ZNF525: variants seen among roughly 807,000 people sequenced by gnomAD.
The protein encoded by ZNF525 is zinc finger protein 525.
Under a neutral mutation model 37.6 loss-of-function variants are expected in ZNF525, and 33 were observed. That is an observed-to-expected ratio of 0.88 (90% CI 0.67 to 1.17). The LOEUF (loss-of-function observed/expected upper bound fraction) is 1.17. Among genes scored for constraint, ZNF525 ranks in the 50% most tolerant of loss-of-function variants. The pLI is 0.00. For synonymous variants in ZNF525, 170 were observed against 182.3 expected (o/e 0.93, Z 0.54); for missense variants, 449 against 543.1 (o/e 0.83, Z 1.72).
chr19:53,384,110 T>G lies in ZNF525; in HGVS notation c.*2091T>G. On this transcript the variant is annotated 3_prime_UTR_variant, in exon 4 of 4. Transcript: ENST00000474037. ...CAAACCATCAAGCATTGATTGACATTAGAGTCAGTTCAGCATTGACTTGAG... is the reference window on the plus strand; with the variant it reads ...CAAACCATCAAGCATTGATTGACATGAGAGTCAGTTCAGCATTGACTTGAG... The G allele has an allele frequency of 2.2e-6, 1 of 446,452 alleles. No individual in the cohort carries two copies. The highest frequency in any genetic ancestry group is 1.9e-5 in the South Asian group (1 of 53,368). The allele number at this position is 446,452 out of a possible 1,614,324, so 27.7% of individuals were successfully genotyped here. A position where few individuals can be genotyped will look rare whatever the true frequency, so the allele number is the denominator to read the frequency against.
At position 53,365,773 on chromosome 19, in the gene ZNF525, C is replaced by T. The variant is rs1277607560; in HGVS notation, c.-68+14C>T. On this transcript the variant is annotated intron_variant, in intron 1 of 3. Coordinates refer to ENST00000474037, the MANE Select transcript of ZNF525 (RefSeq NM_001348156.2). The stretch of plus-strand genomic sequence containing the variant: ...CCTCAGCGGCGCGTGAGTTTCGCTC[C>T]ATCTTGTATGAAGTCTGCTCTTCCC... 2 of 173,980 alleles carry T rather than the reference C, an allele frequency of 1.1e-5. No individual in the cohort carries two copies. Among genetic ancestry groups the T allele is most frequent in the East Asian group, 3.4e-4 (2 of 5,842 alleles). The allele number at this position is 173,980 out of a possible 1,614,324, so 10.8% of individuals were successfully genotyped here. A position where few individuals can be genotyped will look rare whatever the true frequency, so the allele number is the denominator to read the frequency against.
At chr19:53,375,649 C>T (rs999139338) in intron 2 of ZNF525, 121 bp from the exon 3 acceptor site, 19 of 1,602,876 alleles carry the variant, frequency 1.2e-5, no homozygotes, top group Non-Finnish European at 1.4e-5. Context: ...ACCCCTTACT[C>T]GGATTTGTCA....
chr19:53,370,033 C>T (rs927614596), intron 1 of ZNF525, among the ~76,000 whole-genome samples: 2 of 151,340 alleles, frequency 1.3e-5, no homozygotes, highest in African/African-American at 4.9e-5. Context: ...CAAGAAGTTT[C>T]TTTAGCCCAG....
In ZNF525 at chr19:53,382,155, G is replaced by A. The variant is rs1481669930; in HGVS notation, c.*136G>A. 6.3e-7 allele frequency: 1 copy of A among 1,590,658 alleles called. No individual in the cohort carries two copies. Among genetic ancestry groups the A allele is most frequent in the Admixed American group, 1.7e-5 (1 of 59,216 alleles). Reference sequence around the variant, plus strand: ...TAGTGGAGAGAAACCTTACAAATGTGAAGAATGTGATGAAGCTTTCAGTTT... The same window carrying A: ...TAGTGGAGAGAAACCTTACAAATGTAAAGAATGTGATGAAGCTTTCAGTTT... On this transcript the variant is annotated 3_prime_UTR_variant, in exon 4 of 4. Transcript: ENST00000474037.
chr19:53,366,760 A>AGG (rs1237833501), intron 1 of ZNF525, among the ~76,000 whole-genome samples: 1 of 148,424 alleles, frequency 6.7e-6, no homozygotes, highest in Non-Finnish European at 1.5e-5. Context: ...CACAGCAGGG[A>AGG]GGACACCTGG....
At chr19:53,373,168 T>C (rs8111643) in intron 2 of ZNF525, among the ~76,000 whole-genome samples, 139,849 of 152,096 alleles carry the variant, frequency 0.92, 64,413 homozygotes, top group South Asian at 0.99. Context: ...TCTTGGCTCA[T>C]GGCAACCTCC....
Position 53,381,727 on chromosome 19 carries a change from A to T in ZNF525, c.1148A>T (p.Tyr383Phe). 5 of 1,085,300 alleles carry T rather than the reference A, an allele frequency of 4.6e-6. No individual in the cohort carries two copies. The highest frequency in any genetic ancestry group is 7.2e-6 in the Non-Finnish European group (5 of 696,596). The allele number at this position is 1,085,300 out of a possible 1,614,324, so 67.2% of individuals were successfully genotyped here. Residue 383 changes from tyrosine (Y) to phenylalanine (F), a missense_variant, in exon 4 of 4, where the codon TAC becomes TTC. This residue lies in a region of ZNF525 where 178 missense variants were observed against 161.5 expected (regional missense o/e 1.10). Coordinates refer to ENST00000474037, the MANE Select transcript of ZNF525 (RefSeq NM_001348156.2). ...HRITHTGEKPYKCNDCGKTFS... is the reference protein window; with the variant it reads ...HRITHTGEKPFKCNDCGKTFS... Reference sequence around the variant, plus strand: ...ATAACTCATACTGGAGAGAAACCATACAAGTGTAATGATTGTGGCAAGACC... The same window carrying T: ...ATAACTCATACTGGAGAGAAACCATTCAAGTGTAATGATTGTGGCAAGACC...
chr19:53,382,708 A>G lies in ZNF525; in HGVS notation c.*689A>G. On this transcript the variant is annotated 3_prime_UTR_variant, in exon 4 of 4. Coordinates refer to ENST00000474037, the MANE Select transcript of ZNF525 (RefSeq NM_001348156.2). ...CTACAACTATTGCAAATCATTGGAGAATCCATAATAAAGAGAGACCTTACA... is the reference window on the plus strand; with the variant it reads ...CTACAACTATTGCAAATCATTGGAGGATCCATAATAAAGAGAGACCTTACA... The G allele has an allele frequency of 1.3e-6, 1 of 755,364 alleles. No individual in the cohort carries two copies. Among genetic ancestry groups the G allele is most frequent in the East Asian group, 2.6e-5 (1 of 37,754 alleles). 46.8% of individuals were successfully genotyped at this position (755,364 alleles called of 1,614,324 possible).
Position 53,382,923 on chromosome 19 carries a change from T to C in ZNF525, c.*904T>C, listed in dbSNP as rs765719643. ...TACAAGTGTAATGAGTGTGGTAAGA[T>C]GTTCAGTCAAAATTCGGCCCTTGTA... On this transcript the variant is annotated 3_prime_UTR_variant, in exon 4 of 4. Transcript: ENST00000474037. 51 of 1,457,428 alleles carry C rather than the reference T, an allele frequency of 3.5e-5. No individual in the cohort carries two copies. Among genetic ancestry groups the C allele is most frequent in the Non-Finnish European group, 4.6e-5 (48 of 1,045,624 alleles). The allele number at this position is 1,457,428 out of a possible 1,614,324, so 90.3% of individuals were successfully genotyped here. A position where few individuals can be genotyped will look rare whatever the true frequency, so the allele number is the denominator to read the frequency against.
chr19:53,366,063 A>C (rs1469033372), intron 1 of ZNF525, among the ~76,000 whole-genome samples: 85 of 152,152 alleles, frequency 5.6e-4, no homozygotes, highest in Non-Finnish European at 1.2e-4. Flanking sequence ...TCCTCACCCG[A>C]GAGGTGAATT....
chr19:53,377,556 CT>C (rs1437577508), intron 3 of ZNF525, among the ~76,000 whole-genome samples: 163 of 128,220 alleles, frequency 1.3e-3, no homozygotes, highest in African/African-American at 1.2e-3. Context: ...TCTTTCATTT[CT>C]TTTTTTTTTT....
At chr19:53,373,820 C>A (rs1307746233) in intron 2 of ZNF525, among the ~76,000 whole-genome samples, 23 of 143,468 alleles carry the variant, frequency 1.6e-4, no homozygotes, top group Non-Finnish European at 1.5e-4. Flanking sequence ...GACTTCGTCT[C>A]AAAAAAAAAA....
At position 53,386,203 on chromosome 19, in the gene ZNF525, C is replaced by T. The variant is rs1233655801; in HGVS notation, c.*4184C>T. On this transcript the variant is annotated 3_prime_UTR_variant, in exon 4 of 4. Coordinates refer to ENST00000474037, the MANE Select transcript of ZNF525 (RefSeq NM_001348156.2). The stretch of plus-strand genomic sequence containing the variant: ...TTCCTTCTCTTCCATTCTTTGCCAT[C>T]GTGGTGTGTGCTTGACTCTGCTTCT... 6 of 606,818 alleles carry T rather than the reference C, an allele frequency of 9.9e-6. No homozygotes were observed. Among genetic ancestry groups the T allele is most frequent in the Admixed American group, 4.1e-5 (2 of 48,418 alleles). The allele number at this position is 606,818 out of a possible 1,614,324, so 37.6% of individuals were successfully genotyped here. A position where few individuals can be genotyped will look rare whatever the true frequency, so the allele number is the denominator to read the frequency against.
chr19:53,378,729 C>A (rs944331816), intron 3 of ZNF525, among the ~76,000 whole-genome samples: 1 of 152,078 alleles, frequency 6.6e-6, no homozygotes, highest in Non-Finnish European at 1.5e-5. Context: ...AGGCAACGAG[C>A]TCTTTAATGT....
Position 53,372,197 on chromosome 19 carries a change from CA to C in ZNF525, c.-67-17del. 1 of 675,664 alleles carries C rather than the reference CA, an allele frequency of 1.5e-6. No homozygotes were observed. Among genetic ancestry groups the C allele is most frequent in the Non-Finnish European group, 2.7e-6 (1 of 375,358 alleles). 41.9% of individuals were successfully genotyped at this position (675,664 alleles called of 1,614,324 possible). On this transcript the variant is annotated splice_polypyrimidine_tract_variant and intron_variant, in intron 1 of 3. Transcript: ENST00000474037. ...TGTGTTGATTCTGAGCAATAAACAA[CA>C]TATTTTTATCACTCAGGATTGACAT... is the stretch of plus-strand genomic sequence containing the variant.
intron 2 of ZNF525, among the ~76,000 whole-genome samples, chr19:53,373,230 T>C (rs911548239): frequency 7.2e-5 from 11 of 152,080 alleles, no homozygotes; most frequent in African/African-American, 2.7e-4. Context: ...GTAGCTGAGA[T>C]TATAGGCATG....
chr19:53,366,180 A>G (rs74178320), intron 1 of ZNF525, among the ~76,000 whole-genome samples: 39,545 of 119,648 alleles, frequency 0.33, 9,623 homozygotes, highest in Non-Finnish European at 0.5. Flanking sequence ...GGATCCTACA[A>G]ACCCCACCCT....
intron 1 of ZNF525, among the ~76,000 whole-genome samples, chr19:53,366,112 C>T (rs1382269371): frequency 5.3e-5 from 8 of 152,164 alleles, no homozygotes; most frequent in Non-Finnish European, 1.2e-4. Context: ...CTCGTCGGCC[C>T]CTAGAGCGCA....
intron 3 of ZNF525, among the ~76,000 whole-genome samples, chr19:53,379,098 T>G (rs958108730): frequency 6.6e-6 from 1 of 151,682 alleles, no homozygotes; most frequent in African/African-American, 2.4e-5. Flanking sequence ...AATTGCACCC[T>G]CCGGCACTAT....
Sources: allele counts gnomAD v4.1 joint callset (sites outside exome capture counted in the v4.1 genomes callset), GRCh38; gene constraint gnomAD v4.1.1; regional missense constraint gnomAD v4.1.1; transcripts MANE v1.5; gene names NCBI Gene and HGNC (gene_info 2026-07-23, HGNC 2026-07-21).